The following ZNF385B variants were observed in gnomAD, a reference collection of about 807,000 sequenced individuals.
ZNF385B encodes the protein zinc finger protein 533.
Under a neutral mutation model 39.2 loss-of-function variants are expected in ZNF385B, and 23 were observed. The ratio of observed to expected loss-of-function variants is 0.59; its 90% CI spans 0.42 to 0.83. The LOEUF (loss-of-function observed/expected upper bound fraction) is 0.83. Among genes scored for constraint, ZNF385B ranks in the 40% least tolerant of loss-of-function variants. The pLI is 0.00. For synonymous variants in ZNF385B, 205 were observed against 222.6 expected (o/e 0.92, Z 0.70); for missense variants, 552 against 598.9 (o/e 0.92, Z 0.82).
intron 3 of ZNF385B, among the ~76,000 whole-genome samples, chr2:179,668,130 G>A (rs927487607): frequency 1.3e-5 from 2 of 152,076 alleles, no homozygotes; most frequent in African/African-American, 4.8e-5. Context: ...TTGGAGTACT[G>A]GTTAATATGC....
intron 3 of ZNF385B, among the ~76,000 whole-genome samples, chr2:179,694,982 AGGAG>A (rs1698624805): frequency 1.3e-5 from 2 of 151,818 alleles, no homozygotes; most frequent in African/African-American, 4.8e-5. Context: ...GAGGAGGAGG[AGGAG>A]GAGAAGAAAA....
rs565099758 is a variant in ZNF385B at position 179,739,534 on chromosome 2, G to A, written c.298+29969C>T. On this transcript the variant is annotated intron_variant, in intron 3 of 9. Transcript: ENST00000410066. ...GAGTCTTAGCTATCGTGTTTTCAGG[G>A]TGTTAAAGTCACTTTTGTAGTTTAT... is the stretch of plus-strand genomic sequence containing the variant. Among the ~76,000 whole-genome samples, 3 of 152,294 alleles carry A rather than the reference G, an allele frequency of 2.0e-5. No individual in the cohort carries two copies. In the South Asian group the frequency reaches 6.2e-4, roughly 32 times the overall value.
intron 1 of ZNF385B, among the ~76,000 whole-genome samples, chr2:179,821,743 C>T (rs1351909184): frequency 2.6e-5 from 4 of 151,998 alleles, no homozygotes; most frequent in South Asian, 2.1e-4. Flanking sequence ...TCTGCCTTGA[C>T]TATAGATTGC....
chr2:179,511,092 C>T (rs1404118203), intron 5 of ZNF385B, among the ~76,000 whole-genome samples: 1 of 152,166 alleles, frequency 6.6e-6, no homozygotes, highest in Non-Finnish European at 1.5e-5. Context: ...TCTGATTTCT[C>T]AGGAAAAAAC....
intron 5 of ZNF385B, among the ~76,000 whole-genome samples, chr2:179,487,360 C>T (rs1444117222): frequency 6.6e-6 from 1 of 152,232 alleles, no homozygotes; most frequent in Admixed American, 6.5e-5. Flanking sequence ...TGGCAAGTGC[C>T]ACTTCCTTAT....
At chr2:179,767,066 C>A (rs1488513441) in intron 3 of ZNF385B, among the ~76,000 whole-genome samples, 1 of 152,184 alleles carries the variant, frequency 6.6e-6, no homozygotes, top group South Asian at 2.1e-4. Flanking sequence ...ACAGACGACA[C>A]AATCTTGCCA....
chr2:179,493,740 T>TACATC (rs2055722410), intron 5 of ZNF385B, among the ~76,000 whole-genome samples: 2 of 139,794 alleles, frequency 1.4e-5, no homozygotes, highest in African/African-American at 5.3e-5. Flanking sequence ...CATATATGTA[T>TACATC]ACATATGTGT....
intron 3 of ZNF385B, among the ~76,000 whole-genome samples, chr2:179,709,007 G>A (rs549426807): frequency 6.6e-5 from 10 of 152,290 alleles, no homozygotes; most frequent in African/African-American, 1.7e-4. Flanking sequence ...TAAGAGAGGC[G>A]TTTGGCACAT....
intron 1 of ZNF385B, among the ~76,000 whole-genome samples, chr2:179,779,750 AG>A (rs1704555596): frequency 6.6e-6 from 1 of 152,126 alleles, no homozygotes; most frequent in Non-Finnish European, 1.5e-5. Flanking sequence ...GACTAGTGTC[AG>A]GGATGACTCC....
At chr2:179,534,566 T>C (rs1343542153) in intron 4 of ZNF385B, 3 of 152,088 alleles carry the variant, frequency 2.0e-5, no homozygotes, top group East Asian at 1.9e-4. Context: ...GATGTAAAAA[T>C]AGGAAGGTAT....
chr2:179,810,845 A>C (rs1480956122), intron 1 of ZNF385B, among the ~76,000 whole-genome samples: 2 of 152,082 alleles, frequency 1.3e-5, no homozygotes, highest in East Asian at 3.8e-4. Flanking sequence ...AAGAAGGAAA[A>C]TGGGAATATA....
chr2:179,704,917 G>A (rs1365568575), intron 3 of ZNF385B, among the ~76,000 whole-genome samples: 1 of 152,048 alleles, frequency 6.6e-6, no homozygotes, highest in African/African-American at 2.4e-5. Context: ...CAATTCCTTA[G>A]AATACTTGCA....
intron 1 of ZNF385B, among the ~76,000 whole-genome samples, chr2:179,783,289 T>C (rs1258498830): frequency 1.3e-5 from 2 of 152,080 alleles, no homozygotes; most frequent in Admixed American, 6.6e-5. Context: ...ATGTAGAAGA[T>C]TGAAGCTGGA....
In ZNF385B at chr2:179,518,618, C is replaced by T. The variant is rs760566074; in HGVS notation, c.462G>A (p.Ala154=). 41 of 1,597,162 alleles carry T rather than the reference C, an allele frequency of 2.6e-5. No individual in the cohort carries two copies. The highest frequency in any genetic ancestry group is 5.4e-5 in the African/African-American group (4 of 73,754). Residue 154 remains alanine (A), a synonymous_variant, in exon 5 of 10, where the codon GCG becomes GCA. Transcript: ENST00000410066. ...NFNTMDPVQK[A]VINHTFGVSI... is the part of the protein sequence containing the mutation. ...ATACTCCAAATGTATGGTTAATAAC[C>T]GCTTTTTGCACAGGATCCATCTGAA...
intron 3 of ZNF385B, among the ~76,000 whole-genome samples, chr2:179,657,551 A>G (rs16866891): frequency 0.014 from 2,067 of 152,342 alleles, 51 homozygotes; most frequent in African/African-American, 0.047. Flanking sequence ...GCTCACAACT[A>G]TAATTTAAAG....
At chr2:179,479,733 G>A (rs928072743) in intron 6 of ZNF385B, among the ~76,000 whole-genome samples, 14 of 152,152 alleles carry the variant, frequency 9.2e-5, no homozygotes, top group African/African-American at 2.4e-4. Context: ...CCAGCTCCTC[G>A]GAGGCTGAGG....
chr2:179,784,306 G>A (rs1028896897), intron 1 of ZNF385B, among the ~76,000 whole-genome samples: 9 of 152,028 alleles, frequency 5.9e-5, no homozygotes, highest in South Asian at 4.2e-4. Context: ...GCAGACACTC[G>A]GGTCTACTTT....
chr2:179,579,334 A>T (rs112393552), intron 3 of ZNF385B, among the ~76,000 whole-genome samples: 6 of 152,154 alleles, frequency 3.9e-5, no homozygotes, highest in African/African-American at 1.4e-4. Flanking sequence ...GTGAGATAAA[A>T]ACTAAGAATA....
chr2:179,524,078 G>A (rs2058699064), intron 4 of ZNF385B, among the ~76,000 whole-genome samples: 1 of 151,990 alleles, frequency 6.6e-6, no homozygotes, highest in African/African-American at 2.4e-5. Context: ...GATTACAGAC[G>A]TGAGCCACCC....
Sources: gnomAD v4.1 joint callset for allele counts (sites outside exome capture counted in the v4.1 genomes callset) on GRCh38, gnomAD v4.1.1 for gene constraint, MANE v1.5 for transcripts, NCBI Gene and HGNC (gene_info 2026-07-23, HGNC 2026-07-21) for gene names.